Variants in TMEM108 observed in about 807,000 individuals in gnomAD.
TMEM108 encodes the protein transmembrane protein 108.
In TMEM108, 12 loss-of-function variants were observed where a neutral mutation model predicts 35.1. The observed-to-expected ratio is 0.34, with a 90% confidence interval of 0.22 to 0.55. The LOEUF (loss-of-function observed/expected upper bound fraction) is 0.55. Ranked by LOEUF, TMEM108 falls within the 20% of genes least tolerant of loss-of-function variation. The pLI is 0.89. For missense variants in TMEM108, 680 were observed against 753.3 expected (o/e 0.90, Z 1.14); for synonymous variants, 287 against 308.6 (o/e 0.93, Z 0.73).
intron 3 of TMEM108, among the ~76,000 whole-genome samples, chr3:133,289,458 C>T (rs963270994): frequency 3.9e-5 from 6 of 152,180 alleles, no homozygotes; most frequent in Non-Finnish European, 8.8e-5. Context: ...TCAGACACCA[C>T]GTGAACTACC....
intron 2 of TMEM108, among the ~76,000 whole-genome samples, chr3:133,197,826 A>T (rs1055123117): frequency 6.6e-6 from 1 of 152,202 alleles, no homozygotes; most frequent in African/African-American, 2.4e-5. Context: ...CATGAGAGTC[A>T]TAAGGAAGTG....
chr3:133,128,435 T>C (rs1944445416), intron 2 of TMEM108, among the ~76,000 whole-genome samples: 1 of 152,184 alleles, frequency 6.6e-6, no homozygotes, highest in Admixed American at 6.5e-5. Context: ...AAATGCATAT[T>C]GTGTTCCTTC....
intron 3 of TMEM108, among the ~76,000 whole-genome samples, chr3:133,366,871 C>G (rs1387647038): frequency 1.3e-5 from 2 of 152,162 alleles, no homozygotes; most frequent in South Asian, 4.1e-4. Context: ...GTACCATGTT[C>G]AACAGGCTGA....
At chr3:133,391,093 G>A (rs1265859350) in intron 5 of TMEM108, among the ~76,000 whole-genome samples, 1 of 152,176 alleles carries the variant, frequency 6.6e-6, no homozygotes, top group Admixed American at 6.5e-5. Flanking sequence ...GGGGTATTAT[G>A]GCATTGGGAC....
At chr3:133,118,388 G>A (rs1048831799) in intron 2 of TMEM108, among the ~76,000 whole-genome samples, 13 of 152,052 alleles carry the variant, frequency 8.5e-5, no homozygotes, top group African/African-American at 3.1e-4. Flanking sequence ...TCATGTTAAT[G>A]CAATATTTAT....
rs933338353 is a variant in TMEM108, at chr3:133,189,439, A to G, written c.-46-39827A>G. Among the ~76,000 whole-genome samples the G allele has an allele frequency of 6.6e-5, 10 of 152,294 alleles. No homozygotes were observed. The South Asian group carries it at 2.1e-3, about 32-fold the overall frequency. On this transcript the variant is annotated intron_variant, in intron 2 of 5. Transcript: ENST00000321871. ...TATACACATGGGAAGAGGGGATATC[A>G]TCCATTCATCCATTACATTGGGAAA...
intron 2 of TMEM108, among the ~76,000 whole-genome samples, chr3:133,086,630 A>G (rs1189284187): frequency 1.3e-5 from 2 of 152,178 alleles, no homozygotes; most frequent in African/African-American, 4.8e-5. Flanking sequence ...GATGAGGTAC[A>G]CTCTGTGGTG....
At chr3:133,348,561 G>A (rs1052679648) in intron 3 of TMEM108, among the ~76,000 whole-genome samples, 3 of 152,150 alleles carry the variant, frequency 2.0e-5, no homozygotes, top group African/African-American at 7.2e-5. Flanking sequence ...GACTCCACAG[G>A]TAGCTGGGGA....
intron 2 of TMEM108, among the ~76,000 whole-genome samples, chr3:133,173,594 C>T (rs963645245): frequency 7.2e-5 from 11 of 152,202 alleles, no homozygotes; most frequent in Non-Finnish European, 8.8e-5. Context: ...AATGAGGTAG[C>T]ATGCAATGTG....
chr3:133,044,026 C>T (rs770575336), intron 1 of TMEM108, among the ~76,000 whole-genome samples: 4 of 152,118 alleles, frequency 2.6e-5, no homozygotes, highest in Non-Finnish European at 4.4e-5. Context: ...TGACACCTTG[C>T]CTACTTTTGG....
At chr3:133,257,468 A>G (rs1946564018) in intron 3 of TMEM108, among the ~76,000 whole-genome samples, 1 of 152,244 alleles carries the variant, frequency 6.6e-6, no homozygotes, top group Non-Finnish European at 1.5e-5. Context: ...GCTCGTGTCT[A>G]GAAATTTGGA....
chr3:133,300,698 G>A (rs990842598), intron 3 of TMEM108, among the ~76,000 whole-genome samples: 1 of 151,950 alleles, frequency 6.6e-6, no homozygotes, highest in Non-Finnish European at 1.5e-5. Flanking sequence ...TGGGCTATAG[G>A]GATTGTCCCT....
At chr3:133,167,365 G>C (rs1945056080) in intron 2 of TMEM108, among the ~76,000 whole-genome samples, 2 of 152,280 alleles carry the variant, frequency 1.3e-5, no homozygotes, top group Admixed American at 1.3e-4. Flanking sequence ...AGGGCCATGG[G>C]CAGAGCTGCC....
intron 2 of TMEM108, among the ~76,000 whole-genome samples, chr3:133,185,522 C>CT (rs1280630437): frequency 6.7e-6 from 1 of 150,372 alleles, no homozygotes; most frequent in Non-Finnish European, 1.5e-5. Flanking sequence ...TCTCAACTCT[C>CT]TATGGCCACC....
chr3:133,290,946 G>A (rs369781103), intron 3 of TMEM108, among the ~76,000 whole-genome samples: 154 of 152,262 alleles, frequency 1.0e-3, no homozygotes, highest in African/African-American at 3.7e-3. Context: ...ATTTCAGATG[G>A]TAAATGACAC....
intron 2 of TMEM108, among the ~76,000 whole-genome samples, chr3:133,117,266 G>C (rs1944299126): frequency 6.6e-6 from 1 of 152,222 alleles, no homozygotes; most frequent in Admixed American, 6.5e-5. Context: ...TCCCATCTGA[G>C]TGATCTAGTG....
chr3:133,065,178 T>C (rs1239611142), intron 2 of TMEM108, among the ~76,000 whole-genome samples: 1 of 151,604 alleles, frequency 6.6e-6, no homozygotes, highest in Non-Finnish European at 1.5e-5. Flanking sequence ...ATGGATTAAA[T>C]TGTCACTGCA....
intron 2 of TMEM108, among the ~76,000 whole-genome samples, chr3:133,083,927 G>A (rs571371109): frequency 4.9e-4 from 75 of 151,820 alleles, no homozygotes; most frequent in Non-Finnish European, 8.4e-4. Context: ...TATTCCCTTA[G>A]TGTTCATAGC....
At chr3:133,192,417 TGA>T (rs1304783177) in intron 2 of TMEM108, among the ~76,000 whole-genome samples, 2 of 152,038 alleles carry the variant, frequency 1.3e-5, no homozygotes, top group Admixed American at 1.3e-4. Flanking sequence ...AACTAAGATT[TGA>T]GAGTTTTGAA....
Sources: allele counts gnomAD v4.1 joint callset (sites outside exome capture counted in the v4.1 genomes callset), GRCh38; gene constraint gnomAD v4.1.1; transcripts MANE v1.5; gene names NCBI Gene and HGNC (gene_info 2026-07-23, HGNC 2026-07-21).